Variants in DACH2 observed in about 807,000 individuals in gnomAD.
DACH2 encodes the protein dachshund family transcription factor 2, also known as dachshund homolog 2.
In DACH2, 17 loss-of-function variants were observed where a neutral mutation model predicts 35.8. The observed-to-expected ratio is 0.48, with a 90% CI of 0.33 to 0.71. The LOEUF (loss-of-function observed/expected upper bound fraction) is 0.71. Among genes scored for constraint, DACH2 ranks in the 30% least tolerant of loss-of-function variants. The probability of loss-of-function intolerance (pLI) is 0.02; values close to 1 mark genes in which losing one functional copy is unlikely to be tolerated. For missense variants in DACH2, 469 were observed against 472.7 expected, an observed-to-expected ratio of 0.99 and a Z score of 0.07; for synonymous variants, 195 against 177.3, an observed-to-expected ratio of 1.10 and a Z score of -0.79.
At chrX:86,564,773 G>T (rs1341351265) in intron 3 of DACH2, among the ~76,000 whole-genome samples, 1 of 111,483 alleles carries the variant, frequency 9.0e-6, no homozygotes, top group Non-Finnish European at 1.9e-5. Flanking sequence ...GCATTTAATT[G>T]TTCCACCTAC....
intron 1 of DACH2, among the ~76,000 whole-genome samples, chrX:86,294,264 T>G (rs1435490910): frequency 3.6e-5 from 4 of 111,786 alleles, no homozygotes; most frequent in African/African-American, 1.3e-4. Flanking sequence ...AGCCTTGGTT[T>G]TCAGCTCCAT....
chrX:86,639,477 A>G (rs2040318972), intron 3 of DACH2, among the ~76,000 whole-genome samples: 1 of 111,628 alleles, frequency 9.0e-6, no homozygotes, highest in Non-Finnish European at 1.9e-5. Flanking sequence ...GCTTACTGGC[A>G]AAGGTAGCTG....
At chrX:86,609,981 T>A (rs537799768) in intron 3 of DACH2, among the ~76,000 whole-genome samples, 5 of 111,515 alleles carry the variant, frequency 4.5e-5, no homozygotes, top group African/African-American at 1.6e-4. Context: ...CCATATTTAC[T>A]TAATGACCTG....
intron 1 of DACH2, chrX:86,160,439 A>G (rs1435496348): frequency 3.7e-6 from 2 of 537,004 alleles, no homozygotes; most frequent in Non-Finnish European, 6.7e-6. Context: ...ACCGGACTTC[A>G]AGAATTTAGA....
At chrX:86,161,277 C>A (rs1245058717) in intron 1 of DACH2, 23 of 1,189,697 alleles carry the variant, frequency 1.9e-5, no homozygotes, top group Non-Finnish European at 2.4e-5. Context: ...CTTGGAGATA[C>A]CAGCTTCAAA....
intron 4 of DACH2, among the ~76,000 whole-genome samples, chrX:86,690,371 A>C (rs1333276102): frequency 9.0e-6 from 1 of 111,649 alleles, no homozygotes; most frequent in Non-Finnish European, 1.9e-5. Context: ...AATTAGACAA[A>C]ATTTTAGCAA....
chrX:86,424,986 G>A (rs7877241), intron 2 of DACH2, among the ~76,000 whole-genome samples: 6,337 of 110,921 alleles, frequency 0.057, 468 homozygotes, highest in African/African-American at 0.2. Flanking sequence ...TAATTGATTT[G>A]CATATGTTGA....
chrX:86,572,208 G>A (rs747291636), intron 3 of DACH2, among the ~76,000 whole-genome samples: 9 of 110,651 alleles, frequency 8.1e-5, no homozygotes, highest in South Asian at 3.9e-4. Context: ...AAACCTGCAC[G>A]TTGTGCACAT....
At chrX:86,796,953 A>T (rs1336952493) in intron 7 of DACH2, among the ~76,000 whole-genome samples, 1 of 111,510 alleles carries the variant, frequency 9.0e-6, no homozygotes, top group African/African-American at 3.3e-5. Context: ...TAAATAAGGC[A>T]TAGTAATAAA....
intron 7 of DACH2, among the ~76,000 whole-genome samples, chrX:86,754,797 T>C (rs1397528275): frequency 8.9e-6 from 1 of 112,184 alleles, no homozygotes; most frequent in East Asian, 2.8e-4. Flanking sequence ...CAATTGTGTA[T>C]TATAGCACAT....
intron 1 of DACH2, among the ~76,000 whole-genome samples, chrX:86,339,219 A>G (rs1187992232): frequency 8.9e-6 from 1 of 111,902 alleles, no homozygotes; most frequent in East Asian, 2.8e-4. Context: ...AACAGGGAGT[A>G]TCATTAAATC....
Position 86,651,023 on chromosome X carries a change from A to C in DACH2, c.641-13A>C, listed in dbSNP as rs369876644. The stretch of plus-strand genomic sequence containing the variant: ...ATAAATAAATAAATGGAATGGAATA[A>C]TTCTGCTTTTAGGTATAACAGCTGC... On this transcript the variant is annotated splice_polypyrimidine_tract_variant and intron_variant, in intron 3 of 11. Coordinates refer to ENST00000373125, the MANE Select transcript of DACH2 (RefSeq NM_053281.3). The C allele has an allele frequency of 3.4e-6, 4 of 1,182,536 alleles. No homozygotes were observed. The highest frequency in any genetic ancestry group is 4.5e-6 in the Non-Finnish European group (4 of 881,358).
chrX:86,815,772 T>A (rs1242433977), intron 10 of DACH2, among the ~76,000 whole-genome samples: 12 of 108,658 alleles, frequency 1.1e-4, no homozygotes, highest in Non-Finnish European at 9.5e-5. Context: ...CAGACTATTT[T>A]CCTAAGATTT....
chrX:86,566,215 C>T (rs2039290874), intron 3 of DACH2, among the ~76,000 whole-genome samples: 1 of 111,729 alleles, frequency 9.0e-6, no homozygotes, highest in African/African-American at 3.2e-5. Context: ...TTTAAAAGTA[C>T]ATTTGTGTTT....
chrX:86,784,083 A>G (rs776691078), intron 7 of DACH2, among the ~76,000 whole-genome samples: 3 of 110,654 alleles, frequency 2.7e-5, no homozygotes, highest in African/African-American at 6.6e-5. Context: ...TACTTTTATT[A>G]AATCATCCCA....
intron 3 of DACH2, among the ~76,000 whole-genome samples, chrX:86,593,946 G>A (rs777036183): frequency 6.3e-5 from 7 of 110,879 alleles, no homozygotes; most frequent in Non-Finnish European, 1.3e-4. Flanking sequence ...TAAATGTTTG[G>A]TAGAATTCAC....
intron 1 of DACH2, among the ~76,000 whole-genome samples, chrX:86,276,179 T>A (rs1359808078): frequency 8.9e-6 from 1 of 111,884 alleles, no homozygotes. Context: ...TTCCTCCACA[T>A]CCTCGCCAGC....
chrX:86,541,856 G>T (rs2148299451), intron 3 of DACH2, among the ~76,000 whole-genome samples: 1 of 111,347 alleles, frequency 9.0e-6, no homozygotes, highest in East Asian at 2.9e-4. Context: ...TGCCATAAAT[G>T]TTTTTCACGA....
intron 7 of DACH2, among the ~76,000 whole-genome samples, chrX:86,811,282 A>G (rs1356952256): frequency 8.9e-6 from 1 of 111,774 alleles, no homozygotes; most frequent in East Asian, 2.8e-4. Flanking sequence ...CCACAAATGA[A>G]TGGCACAACT....
Sources: gnomAD v4.1 joint callset for allele counts (sites outside exome capture counted in the v4.1 genomes callset) on GRCh38, gnomAD v4.1.1 for gene constraint, MANE v1.5 for transcripts, NCBI Gene and HGNC (gene_info 2026-07-23, HGNC 2026-07-21) for gene names.